Variants in CABLES1 observed in about 807,000 individuals in gnomAD.
The protein encoded by CABLES1 is CDK5 and ABL1 enzyme substrate 1.
A neutral mutation model predicts 57.8 loss-of-function variants in CABLES1; 36 were observed. The ratio of observed to expected loss-of-function variants is 0.62; its 90% CI spans 0.48 to 0.82. The LOEUF is 0.82. CABLES1 is among the 40% of genes least tolerant of loss of function. The pLI is 0.00. For synonymous variants in CABLES1, 374 were observed against 363.0 expected (o/e 1.03, Z -0.35); for missense variants, 767 against 836.6 (o/e 0.92, Z 1.03).
At chr18:23,214,077 TG>T (rs1180555760) in intron 4 of CABLES1, 23 bp downstream of exon 4, 1 of 1,530,686 alleles carries the variant, frequency 6.5e-7, no homozygotes, top group South Asian at 1.2e-5. Context: ...ATGCATGCTT[TG>T]TAGTTCTCTG....
At chr18:23,236,749 G>A (rs1296272836) in intron 6 of CABLES1, among the ~76,000 whole-genome samples, 1 of 152,256 alleles carries the variant, frequency 6.6e-6, no homozygotes, top group Non-Finnish European at 1.5e-5. Flanking sequence ...GGAAGTATTC[G>A]CACCAAATCG....
rs1598897302 is a variant in CABLES1, at chr18:23,258,184, C to T, written c.*817C>T. Reference sequence around the variant, plus strand: ...AGCGTGGCGCTCTGTAACTTCCTGCCGTCTGCCACCCCGCCACGTGTATTT... The same window carrying T: ...AGCGTGGCGCTCTGTAACTTCCTGCTGTCTGCCACCCCGCCACGTGTATTT... On this transcript the variant is annotated 3_prime_UTR_variant, in exon 10 of 10. Transcript: ENST00000256925. 1 of 152,478 alleles carries T rather than the reference C, an allele frequency of 6.6e-6. No individual in the cohort carries two copies. Among genetic ancestry groups the T allele is most frequent in the African/African-American group, 2.4e-5 (1 of 41,448 alleles). 9.4% of individuals were successfully genotyped at this position (152,478 alleles called of 1,614,324 possible).
intron 1 of CABLES1, among the ~76,000 whole-genome samples, chr18:23,140,869 G>C (rs1479465445): frequency 6.6e-6 from 1 of 152,210 alleles, no homozygotes; most frequent in Non-Finnish European, 1.5e-5. Flanking sequence ...TGTGACAGCC[G>C]TTTGACCCCG....
chr18:23,147,122 T>C (rs1010140459), intron 1 of CABLES1, among the ~76,000 whole-genome samples: 1 of 152,210 alleles, frequency 6.6e-6, no homozygotes, highest in African/African-American at 2.4e-5. Flanking sequence ...TCCAGAGTCA[T>C]GGAAAATTTT....
At chr18:23,155,885 C>T in intron 1 of CABLES1, 6 of 1,613,776 alleles carry the variant, frequency 3.7e-6, no homozygotes, top group Non-Finnish European at 5.1e-6. Flanking sequence ...GGTCTGAAGC[C>T]TCTGCCTCCT....
rs35652868 is a variant in CABLES1, at chr18:23,187,693, A to AT, written c.846-1135dup. Among the ~76,000 whole-genome samples, 539 of 150,452 alleles carry AT rather than the reference A, an allele frequency of 3.6e-3. 10 individuals are homozygous for AT. In the East Asian group the frequency reaches 0.057, roughly 16 times the overall value. On this transcript the variant is annotated intron_variant, in intron 1 of 9. Transcript: ENST00000256925. ...TGAGCCACCGTGCCTGGCCACAAGT[A>AT]TTTTTTTTTTAAAGGATTTGAGCAT...
chr18:23,222,520 CTCTCTCTCTCTG>C (rs201247717), intron 4 of CABLES1, among the ~76,000 whole-genome samples: 4 of 146,656 alleles, frequency 2.7e-5, no homozygotes, highest in Admixed American at 7.6e-5. Context: ...CTCACGTTCT[CTCTCTCTCTCTG>C]TCTCTCTCTC....
chr18:23,252,633 G>A (rs542145039), intron 7 of CABLES1, among the ~76,000 whole-genome samples: 6 of 152,244 alleles, frequency 3.9e-5, no homozygotes, highest in East Asian at 1.9e-4. Flanking sequence ...AGCCCCACGC[G>A]CTTAAGCCCC....
At chr18:23,145,920 A>G (rs2046889256) in intron 1 of CABLES1, among the ~76,000 whole-genome samples, 1 of 152,204 alleles carries the variant, frequency 6.6e-6, no homozygotes, top group South Asian at 2.1e-4. Context: ...GGGGCTTATG[A>G]CTTTAGAATA....
chr18:23,144,876 A>G (rs1417594623), intron 1 of CABLES1, among the ~76,000 whole-genome samples: 1 of 151,788 alleles, frequency 6.6e-6, no homozygotes, highest in African/African-American at 2.4e-5. Context: ...TTCCCCTTCC[A>G]GAGAGTTGGT....
rs550915347 is a variant in CABLES1, at chr18:23,154,413, C to T, written c.845+17806C>T. On this transcript the variant is annotated intron_variant, in intron 1 of 9. Coordinates refer to ENST00000256925, the MANE Select transcript of CABLES1 (RefSeq NM_001100619.3). ...GTGCCTGTTTAACTTGATCATCTAC[C>T]GAGCCATAGGGAAATTGCACATCCC... 5.9e-5 allele frequency among the ~76,000 whole-genome samples: 9 copies of T among 152,222 alleles called. No individual in the cohort carries two copies. In the East Asian group the frequency reaches 7.7e-4, roughly 13 times the overall value.
intron 2 of CABLES1, among the ~76,000 whole-genome samples, chr18:23,191,725 C>G (rs746202047): frequency 8.6e-5 from 13 of 152,032 alleles, no homozygotes; most frequent in Non-Finnish European, 1.6e-4. Context: ...TTTTGCATCA[C>G]TTAAAATGTA....
At chr18:23,230,378 A>G (rs1568077710) in intron 4 of CABLES1, among the ~76,000 whole-genome samples, 1 of 152,186 alleles carries the variant, frequency 6.6e-6, no homozygotes, top group Non-Finnish European at 1.5e-5. Context: ...TCTCAAAACA[A>G]AAACAAAAAA....
chr18:23,211,694 A>G (rs767378224), intron 3 of CABLES1, among the ~76,000 whole-genome samples: 11 of 152,234 alleles, frequency 7.2e-5, no homozygotes, highest in African/African-American at 1.2e-4. Context: ...TCAAGTTCCA[A>G]TCTCCACCCT....
intron 4 of CABLES1, among the ~76,000 whole-genome samples, chr18:23,224,909 C>T (rs1409898198): frequency 6.6e-6 from 1 of 151,254 alleles, no homozygotes; most frequent in Non-Finnish European, 1.5e-5. Context: ...ACTGTATTGC[C>T]CAGGCTGGAG....
At chr18:23,224,456 A>G (rs188634167) in intron 4 of CABLES1, among the ~76,000 whole-genome samples, 75 of 152,018 alleles carry the variant, frequency 4.9e-4, no homozygotes, top group African/African-American at 1.7e-3. Flanking sequence ...TATAATGTCC[A>G]CCTCAGGGAG....
chr18:23,205,747 A>T (rs551216266), intron 3 of CABLES1, among the ~76,000 whole-genome samples: 2 of 152,264 alleles, frequency 1.3e-5, no homozygotes, highest in African/African-American at 4.8e-5. Flanking sequence ...AGTCCCAGCA[A>T]TTCTGGATGG....
chr18:23,245,899 A>G (rs1358670378), intron 7 of CABLES1, among the ~76,000 whole-genome samples: 1 of 152,216 alleles, frequency 6.6e-6, no homozygotes, highest in Non-Finnish European at 1.5e-5. Context: ...TCCATCACAC[A>G]GCCTGGGCCT....
chr18:23,259,497 CTTT>C lies in CABLES1; in HGVS notation c.*2133_*2135del. The stretch of plus-strand genomic sequence containing the variant: ...AGCCCATGAAGTTAGTGGTCCATTA[CTTT>C]TTAAAGATGCATTTTCATTTTAAAC... On this transcript the variant is annotated 3_prime_UTR_variant, in exon 10 of 10. Transcript: ENST00000256925. 6.6e-6 allele frequency: 1 copy of C among 152,346 alleles called. No individual in the cohort carries two copies. Among genetic ancestry groups the C allele is most frequent in the Admixed American group, 6.5e-5 (1 of 15,308 alleles). The allele number at this position is 152,346 out of a possible 1,614,324, so 9.4% of individuals were successfully genotyped here. A position where few individuals can be genotyped will look rare whatever the true frequency, so the allele number is the denominator to read the frequency against.
Sources: gnomAD v4.1 joint callset for allele counts (sites outside exome capture counted in the v4.1 genomes callset) on GRCh38, gnomAD v4.1.1 for gene constraint, MANE v1.5 for transcripts, NCBI Gene and HGNC (gene_info 2026-07-23, HGNC 2026-07-21) for gene names.